The following ATP2B2 variants were observed in gnomAD, a reference collection of about 807,000 sequenced individuals.
ATP2B2 encodes ATPase plasma membrane Ca2+ transporting 2, also known as plasma membrane calcium-transporting ATPase 2.
Under a neutral mutation model 120.0 loss-of-function variants are expected in ATP2B2, and 15 were observed. That is an observed-to-expected ratio of 0.12 (90% CI 0.08 to 0.19). The LOEUF is 0.19. ATP2B2 is among the 10% of genes least tolerant of loss of function. ATP2B2 has a pLI of 1.00. For synonymous variants in ATP2B2, 694 were observed against 700.3 expected (o/e 0.99, Z 0.14); for missense variants, 1,045 against 1,719.8 (o/e 0.61, Z 6.94).
upstream of ATP2B2, among the ~76,000 whole-genome samples, chr3:10,509,079 T>G (rs1331337970): frequency 6.6e-6 from 1 of 152,116 alleles, no homozygotes; most frequent in Non-Finnish European, 1.5e-5. Flanking sequence ...TCAGTCTGTC[T>G]AGGAATGGGG....
At chr3:10,353,947 G>A (rs1310060583) in intron 14 of ATP2B2, among the ~76,000 whole-genome samples, 4 of 152,198 alleles carry the variant, frequency 2.6e-5, no homozygotes, top group Non-Finnish European at 5.9e-5. Flanking sequence ...CCCACGCACA[G>A]GATGGGCACG....
intron 2 of ATP2B2, among the ~76,000 whole-genome samples, chr3:10,418,804 C>A (rs745767678): frequency 4.6e-5 from 7 of 152,238 alleles, no homozygotes; most frequent in Non-Finnish European, 8.8e-5. Context: ...ATCCACTGCT[C>A]AGAGCTAGTG....
chr3:10,386,843 G>C (rs917749544), intron 6 of ATP2B2, among the ~76,000 whole-genome samples: 2 of 152,180 alleles, frequency 1.3e-5, no homozygotes, highest in African/African-American at 4.8e-5. Context: ...CATCTCACAG[G>C]AGTGCAGGTG....
intron 13 of ATP2B2, 94 bp downstream of exon 13, chr3:10,359,788 G>T (rs576810442): frequency 1.9e-5 from 30 of 1,571,176 alleles, no homozygotes; most frequent in Non-Finnish European, 2.6e-5. Flanking sequence ...GCTGAGCCTG[G>T]CCTGGATGGC....
chr3:10,473,879 A>G (rs905225352), intron 1 of ATP2B2, among the ~76,000 whole-genome samples: 8 of 152,254 alleles, frequency 5.3e-5, no homozygotes, highest in African/African-American at 1.9e-4. Flanking sequence ...GCCAGATCAC[A>G]CCAGGCTTTG....
At chr3:10,371,682 A>C in intron 12 of ATP2B2, 127 bp downstream of exon 12, 1 of 1,425,354 alleles carries the variant, frequency 7.0e-7, no homozygotes, top group Non-Finnish European at 9.7e-7. Context: ...GTTGCTTACT[A>C]TCTGACCATA....
Position 10,329,493 on chromosome 3 carries a change from A to G in ATP2B2, c.3421-368T>C, listed in dbSNP as rs1232557518. ...TTGTTCACTTTAAAGCAGAGGTTCA[A>G]CCATGCAGACAGGGAGGAGGACCAG... On this transcript the variant is annotated intron_variant, in intron 22 of 22. Coordinates refer to ENST00000360273, the MANE Select transcript of ATP2B2 (RefSeq NM_001001331.4). This position sits in a 1 kb window ranked among gnomAD's most constrained non-coding sequence, Gnocchi z 5.9. Among the ~76,000 whole-genome samples, 1 of 152,132 alleles carries G rather than the reference A, an allele frequency of 6.6e-6. No individual in the cohort carries two copies. Among genetic ancestry groups the G allele is most frequent in the Non-Finnish European group, 1.5e-5 (1 of 68,014 alleles).
chr3:10,584,861 G>A lies in ATP2B2; in HGVS notation c.-415+35056C>T, dbSNP rs543606603. ...ACCTGGTTTAGCCTTTTCTTCCTCT[G>A]GGTTTCCCACTTTAGCAAATGGCCA... is the stretch of plus-strand genomic sequence containing the variant. On this transcript the variant is annotated intron_variant, in intron 2 of 21. Transcript: ENST00000646379. Among the ~76,000 whole-genome samples, 11 of 152,258 alleles carry A rather than the reference G, an allele frequency of 7.2e-5. No homozygotes were observed. The South Asian group carries it at 1.9e-3, about 26-fold the overall frequency.
At chr3:10,476,242 A>G (rs1434913351) in intron 1 of ATP2B2, among the ~76,000 whole-genome samples, 2 of 152,144 alleles carry the variant, frequency 1.3e-5, no homozygotes, top group Admixed American at 1.3e-4. Flanking sequence ...AGCCGTGGAG[A>G]GCTTCAGAAG....
chr3:10,501,924 G>T (rs759083014), intron 1 of ATP2B2, among the ~76,000 whole-genome samples: 1 of 152,208 alleles, frequency 6.6e-6, no homozygotes, highest in Non-Finnish European at 1.5e-5. Context: ...CTGTGGAAAT[G>T]TAGCCCCTGG....
intron 3 of ATP2B2, among the ~76,000 whole-genome samples, chr3:10,407,013 C>G (rs191627881): frequency 6.6e-6 from 1 of 152,194 alleles, no homozygotes; most frequent in Non-Finnish European, 1.5e-5. Context: ...TATTTCTTGC[C>G]TGCCCCCAGA....
chr3:10,528,523 C>A (rs1444861087), intron 3 of ATP2B2, among the ~76,000 whole-genome samples: 3 of 152,342 alleles, frequency 2.0e-5, no homozygotes, highest in South Asian at 2.1e-4. Context: ...TGCTGAGCAA[C>A]TTGTCCTTCC....
intron 1 of ATP2B2, among the ~76,000 whole-genome samples, chr3:10,485,103 C>A (rs1248350166): frequency 1.3e-5 from 2 of 152,146 alleles, no homozygotes; most frequent in Non-Finnish European, 2.9e-5. Context: ...GAGACAGAGG[C>A]AAGGGGCAGG....
intron 2 of ATP2B2, among the ~76,000 whole-genome samples, chr3:10,580,628 C>T (rs548853329): frequency 6.6e-6 from 1 of 152,292 alleles, no homozygotes; most frequent in South Asian, 2.1e-4. Flanking sequence ...AGCCCCTCCT[C>T]CCTGCCTCCC....
chr3:10,400,173 G>A (rs930230215), intron 5 of ATP2B2, among the ~76,000 whole-genome samples: 3 of 152,228 alleles, frequency 2.0e-5, no homozygotes, highest in Admixed American at 2.0e-4. Context: ...CTCTGCCCCT[G>A]TAGCTGAGTG....
intron 2 of ATP2B2, among the ~76,000 whole-genome samples, chr3:10,546,253 C>T (rs1333489063): frequency 6.6e-6 from 1 of 152,126 alleles, no homozygotes; most frequent in Non-Finnish European, 1.5e-5. Flanking sequence ...CGCAATAAGA[C>T]CCCATCTGCC....
chr3:10,347,109 A>G lies in ATP2B2; in HGVS notation c.2405-972T>C, dbSNP rs1372022861. Among the ~76,000 whole-genome samples, 1 of 151,940 alleles carries G rather than the reference A, an allele frequency of 6.6e-6. No individual in the cohort carries two copies. Among genetic ancestry groups the G allele is most frequent in the Non-Finnish European group, 1.5e-5 (1 of 67,994 alleles). On this transcript the variant is annotated intron_variant, in intron 16 of 22. Coordinates refer to ENST00000360273, the MANE Select transcript of ATP2B2 (RefSeq NM_001001331.4). This position sits in a 1 kb window ranked among gnomAD's most constrained non-coding sequence, Gnocchi z 5.2. ...CTGCTTCCCCCCTTGGTCTCAGGATAACATCCATGTTCTTAGCTCCACTTA... is the reference window on the plus strand; with the variant it reads ...CTGCTTCCCCCCTTGGTCTCAGGATGACATCCATGTTCTTAGCTCCACTTA...
At chr3:10,352,700 C>G (rs1023281710) in intron 14 of ATP2B2, among the ~76,000 whole-genome samples, 1 of 152,224 alleles carries the variant, frequency 6.6e-6, no homozygotes, top group African/African-American at 2.4e-5. Flanking sequence ...CTCATTCTTA[C>G]AGGGCTGGAG....
At chr3:10,633,923 G>T (rs965490784) in intron 1 of ATP2B2, among the ~76,000 whole-genome samples, 25 of 152,188 alleles carry the variant, frequency 1.6e-4, no homozygotes, top group African/African-American at 6.0e-4. Context: ...CCAGCTAAGG[G>T]TGGCCATCTG....
Sources: allele counts gnomAD v4.1 joint callset (sites outside exome capture counted in the v4.1 genomes callset), GRCh38; gene constraint gnomAD v4.1.1; non-coding constraint Gnocchi (gnomAD v3.1); transcripts MANE v1.5; gene names NCBI Gene and HGNC (gene_info 2026-07-23, HGNC 2026-07-21).